The following LRBA variants were observed in gnomAD, a reference collection of about 807,000 sequenced individuals.
LRBA encodes the protein lipopolysaccharide-responsive and beige-like anchor protein.
A neutral mutation model predicts 330.0 loss-of-function variants in LRBA; 176 were observed. That is an observed-to-expected ratio of 0.53 (90% CI 0.47 to 0.60). LRBA has a LOEUF of 0.60. Among genes scored for constraint, LRBA ranks in the 20% least tolerant of loss-of-function variants. The probability of loss-of-function intolerance (pLI) is 0.00; values close to 1 mark genes in which losing one functional copy is unlikely to be tolerated. For missense variants in LRBA, 3,259 were observed against 3,444.8 expected (o/e 0.95, Z 1.35); for synonymous variants, 1,230 against 1,193.0 (o/e 1.03, Z -0.64).
At chr4:150,906,170 A>G in intron 12 of LRBA, 127 bp downstream of exon 12, 1 of 806,458 alleles carries the variant, frequency 1.2e-6, no homozygotes, top group Non-Finnish European at 2.0e-6. Flanking sequence ...ACAAAATGTT[A>G]TTTTAGTTTA....
At chr4:150,460,308 C>T (rs1754602891) in intron 44 of LRBA, among the ~76,000 whole-genome samples, 1 of 148,862 alleles carries the variant, frequency 6.7e-6, no homozygotes, top group Non-Finnish European at 1.5e-5. Context: ...GTAGGAGATA[C>T]ATGAAGGAGA....
intron 36 of LRBA, among the ~76,000 whole-genome samples, chr4:150,708,800 TA>T (rs1785895716): frequency 6.6e-6 from 1 of 151,858 alleles, no homozygotes; most frequent in Non-Finnish European, 1.5e-5. Context: ...GGCTATATAA[TA>T]GAGACAAAAA....
intron 34 of LRBA, among the ~76,000 whole-genome samples, chr4:150,769,309 AAGAG>A (rs898009460): frequency 2.0e-5 from 3 of 151,966 alleles, no homozygotes; most frequent in African/African-American, 7.3e-5. Flanking sequence ...AACGAATGGG[AAGAG>A]AGAGAGACAG....
intron 47 of LRBA, among the ~76,000 whole-genome samples, chr4:150,377,914 T>C (rs977788046): frequency 6.8e-6 from 1 of 147,440 alleles, no homozygotes; most frequent in Non-Finnish European, 1.5e-5. Context: ...GAGGTTGCAG[T>C]GAGCGGAGAT....
At position 150,559,662 on chromosome 4, in the gene LRBA, AAT is replaced by A. The variant is rs374502406; in HGVS notation, c.6330+28384_6330+28385del. Among the ~76,000 whole-genome samples the A allele has an allele frequency of 5.0e-3, 445 of 89,776 alleles. 5 individuals carry two copies. Among genetic ancestry groups the A allele is most frequent in the African/African-American group, 0.019 (413 of 21,898 alleles). 58.9% of individuals were successfully genotyped at this position (89,776 alleles called of 152,430 possible). A position where few individuals can be genotyped will look rare whatever the true frequency, so the allele number is the denominator to read the frequency against. ...TTTATATAATATAATATATAATTATAATATATATATTATATAATATATTATAT... is the reference window on the plus strand; with the variant it reads ...TTTATATAATATAATATATAATTATAATATATATTATATAATATATTATAT... On this transcript the variant is annotated intron_variant, in intron 40 of 56. Transcript: ENST00000651943.
At chr4:150,642,815 A>C (rs574316500) in intron 37 of LRBA, among the ~76,000 whole-genome samples, 1 of 151,910 alleles carries the variant, frequency 6.6e-6, no homozygotes, top group South Asian at 2.1e-4. Flanking sequence ...TTATATAGCA[A>C]ATGTTGTTTA....
At chr4:150,706,909 A>C (rs903784779) in intron 36 of LRBA, among the ~76,000 whole-genome samples, 9 of 151,866 alleles carry the variant, frequency 5.9e-5, no homozygotes, top group East Asian at 3.9e-4. Flanking sequence ...ACCATATATA[A>C]CCTATGCAAG....
intron 47 of LRBA, among the ~76,000 whole-genome samples, chr4:150,410,290 T>C (rs1746789456): frequency 6.6e-6 from 1 of 152,152 alleles, no homozygotes; most frequent in Non-Finnish European, 1.5e-5. Flanking sequence ...TTATGTTGAA[T>C]AGATTTAAAT....
chr4:150,814,584 C>T (rs999739807), intron 31 of LRBA, among the ~76,000 whole-genome samples: 1 of 151,180 alleles, frequency 6.6e-6, no homozygotes, highest in African/African-American at 2.4e-5. Context: ...AACAGAAAGA[C>T]CATCATCACA....
At chr4:150,876,600 T>A (rs540578332) in intron 17 of LRBA, among the ~76,000 whole-genome samples, 2 of 152,342 alleles carry the variant, frequency 1.3e-5, no homozygotes, top group South Asian at 4.1e-4. Flanking sequence ...AGAAATTTCA[T>A]ATCCACCCAA....
At chr4:150,720,328 A>G (rs891200955) in intron 36 of LRBA, among the ~76,000 whole-genome samples, 15 of 152,178 alleles carry the variant, frequency 9.9e-5, no homozygotes, top group African/African-American at 3.6e-4. Context: ...AAGGAGTAAA[A>G]GAAAATTATT....
At chr4:150,278,236 G>T (rs990211803) in intron 55 of LRBA, among the ~76,000 whole-genome samples, 10 of 152,168 alleles carry the variant, frequency 6.6e-5, no homozygotes, top group African/African-American at 2.4e-4. Context: ...TTAAATACTA[G>T]GTAGCAAACT....
intron 42 of LRBA, among the ~76,000 whole-genome samples, chr4:150,471,968 A>C (rs1224500745): frequency 6.6e-6 from 1 of 152,090 alleles, no homozygotes; most frequent in South Asian, 2.1e-4. Flanking sequence ...CTGTCATTAC[A>C]GTGCCATTAT....
chr4:150,539,351 A>C (rs555836137), intron 40 of LRBA, among the ~76,000 whole-genome samples: 2 of 152,336 alleles, frequency 1.3e-5, no homozygotes, highest in South Asian at 4.1e-4. Context: ...CATCTGAAAA[A>C]TGTTAGCCAT....
In LRBA at chr4:150,463,538, G is replaced by A. The variant is rs1171340967; in HGVS notation, c.6780+4135C>T. ...AGCAACAGTTTTGTTTTGTTTTGCA[G>A]CCCCCCCTTTTTTACTTTTAATGTA... is the stretch of plus-strand genomic sequence containing the variant. On this transcript the variant is annotated intron_variant, in intron 44 of 56. Coordinates refer to ENST00000651943, the MANE Select transcript of LRBA (RefSeq NM_001364905.1). 2.0e-5 allele frequency among the ~76,000 whole-genome samples: 3 copies of A among 151,842 alleles called. No homozygotes were observed. In the South Asian group the frequency reaches 6.3e-4, roughly 32 times the overall value.
chr4:150,299,864 C>T (rs1729435975), intron 53 of LRBA, among the ~76,000 whole-genome samples: 1 of 151,862 alleles, frequency 6.6e-6, no homozygotes, highest in Admixed American at 6.6e-5. Context: ...GAACATATTG[C>T]AATTATATGT....
chr4:150,886,010 G>A (rs1269859081), intron 17 of LRBA, among the ~76,000 whole-genome samples: 1 of 151,680 alleles, frequency 6.6e-6, no homozygotes, highest in African/African-American at 2.4e-5. Context: ...CCTTTAAGAA[G>A]AAAACTAAAA....
chr4:150,906,119 A>G, intron 12 of LRBA, 129 bp from the exon 13 acceptor site: 2 of 859,138 alleles, frequency 2.3e-6, no homozygotes, highest in South Asian at 1.7e-5. Context: ...GAAGCTCACT[A>G]TCACATTTGT....
intron 42 of LRBA, among the ~76,000 whole-genome samples, chr4:150,478,062 C>T (rs1756910777): frequency 6.6e-6 from 1 of 152,102 alleles, no homozygotes; most frequent in Non-Finnish European, 1.5e-5. Context: ...TGTCCTGTTT[C>T]CCTTACCTAA....
Sources: gnomAD v4.1 joint callset for allele counts (sites outside exome capture counted in the v4.1 genomes callset) on GRCh38, gnomAD v4.1.1 for gene constraint, MANE v1.5 for transcripts, NCBI Gene and HGNC (gene_info 2026-07-23, HGNC 2026-07-21) for gene names.